NMUR2: variants seen among roughly 807,000 people sequenced by gnomAD.
NMUR2 encodes the protein neuromedin U receptor 2.
NMUR2 carries 24 observed loss-of-function variants against 25.1 expected under a neutral mutation model. The ratio of observed to expected loss-of-function variants is 0.96; its 90% CI spans 0.69 to 1.34. The LOEUF (loss-of-function observed/expected upper bound fraction) is 1.34. NMUR2 is among the 40% of genes most tolerant of loss of function. NMUR2 has a pLI of 0.00. For missense variants in NMUR2, 533 were observed against 512.8 expected, an observed-to-expected ratio of 1.04 and a Z score of -0.38; for synonymous variants, 218 against 208.1, an observed-to-expected ratio of 1.05 and a Z score of -0.41.
intron 2 of NMUR2, 143 bp from the exon 3 acceptor site, chr5:152,395,727 T>C (rs1753138162): frequency 1.3e-6 from 1 of 743,806 alleles, no homozygotes; most frequent in Middle Eastern, 3.5e-4. Context: ...GCAAACTAGA[T>C]CCCAAAGAGT....
At chr5:152,396,736 A>G (rs545110140) in intron 2 of NMUR2, among the ~76,000 whole-genome samples, 41 of 152,166 alleles carry the variant, frequency 2.7e-4, no homozygotes, top group African/African-American at 8.4e-4. Flanking sequence ...TACTAAAAAT[A>G]CAAAAATCAG....
In NMUR2 at chr5:152,404,458, A is replaced by T. The variant is rs1753312776; in HGVS notation, c.656T>A (p.Val219Asp). The change falls in exon 1 of 4, where the codon GTC (valine) becomes GAC (aspartate). Residue 219 changes from valine (V) to aspartate (D), a missense_variant. Coordinates refer to ENST00000255262, the MANE Select transcript of NMUR2 (RefSeq NM_020167.5). ...PMWIYNFIIQ[V>D]TSFLFYLLPM... Reference sequence around the variant, plus strand: ...GAGGAGGTAGAATAGGAAGGAGGTGACCTGGATGATGAAATTGTAGATCCA... The same window carrying T: ...GAGGAGGTAGAATAGGAAGGAGGTGTCCTGGATGATGAAATTGTAGATCCA... 1 of 1,614,024 alleles carries T rather than the reference A, an allele frequency of 6.2e-7. No homozygotes were observed. Among genetic ancestry groups the T allele is most frequent in the African/African-American group, 1.3e-5 (1 of 74,904 alleles).
intron 2 of NMUR2, among the ~76,000 whole-genome samples, chr5:152,395,967 C>T (rs1436682767): frequency 6.6e-6 from 1 of 151,988 alleles, no homozygotes; most frequent in East Asian, 1.9e-4. Context: ...AGAAGTTTCT[C>T]TGAATTCAAT....
chr5:152,395,050 T>A (rs1753125860), intron 3 of NMUR2, among the ~76,000 whole-genome samples: 1 of 152,128 alleles, frequency 6.6e-6, no homozygotes. Context: ...AAGGAGAACT[T>A]GATTACCTAT....
At chr5:152,395,616 G>T (rs373218483) in intron 2 of NMUR2, 32 bp from the exon 3 acceptor site, 61 of 1,610,146 alleles carry the variant, frequency 3.8e-5, no homozygotes, top group Non-Finnish European at 5.1e-5. Flanking sequence ...GAGACCAGAA[G>T]ACAGTCTGTG....
chr5:152,398,287 T>G (rs1333868289), intron 1 of NMUR2, 143 bp from the exon 2 acceptor site: 2 of 631,086 alleles, frequency 3.2e-6, no homozygotes, highest in Non-Finnish European at 5.5e-6. Flanking sequence ...GTCAAATGTT[T>G]AACAGTATGT....
rs763528678 is a variant in NMUR2 at position 152,395,514 on chromosome 5, C to G, written c.882G>C (p.Val294=). The change falls in exon 3 of 4, where the codon GTG becomes GTC. Residue 294 remains valine (V), a synonymous_variant. Coordinates refer to ENST00000255262, the MANE Select transcript of NMUR2 (RefSeq NM_020167.5). ...FHIDRLFFSF[V]EEWSESLAAV... ...CAGCCAGGGATTCACTCCACTCCTC[C>G]ACAAAGCTGAAGAAGAGTCGGTCAA... The G allele has an allele frequency of 2.5e-6, 4 of 1,613,454 alleles. No homozygotes were observed. Among genetic ancestry groups the G allele is most frequent in the Non-Finnish European group, 2.5e-6 (3 of 1,179,794 alleles).
rs1258458619 is a variant in NMUR2, at chr5:152,404,526, G to T, written c.588C>A (p.Ser196=). The T allele has an allele frequency of 6.2e-7, 1 of 1,614,012 alleles. No homozygotes were observed. The highest frequency in any genetic ancestry group is 1.3e-5 in the African/African-American group (1 of 74,918). The change falls in exon 1 of 4, where the codon TCC becomes TCA. Residue 196 remains serine, a synonymous_variant. Coordinates refer to ENST00000255262, the MANE Select transcript of NMUR2 (RefSeq NM_020167.5). ...GIKFHYFPNG[S]LVPGSATCTV... ...TACAGGTGGCCGAACCTGGGACCAG[G>T]GACCCATTGGGGAAGTAGTGGAACT... is the stretch of plus-strand genomic sequence containing the variant.
At position 152,392,081 on chromosome 5, in the gene NMUR2, T is replaced by C; in HGVS notation, c.*110A>G. On this transcript the variant is annotated 3_prime_UTR_variant, in exon 4 of 4. Transcript: ENST00000255262. ...AAAAAAAAAACTAGCAATGGGTACA[T>C]GAGTTGTAAGAGCCATTCTACCTCT... The C allele has an allele frequency of 1.1e-6, 1 of 921,986 alleles. No individual in the cohort carries two copies. Among genetic ancestry groups the C allele is most frequent in the South Asian group, 1.7e-5 (1 of 60,382 alleles). The allele number at this position is 921,986 out of a possible 1,614,324, so 57.1% of individuals were successfully genotyped here. A position where few individuals can be genotyped will look rare whatever the true frequency, so the allele number is the denominator to read the frequency against.
At chr5:152,394,499 G>C (rs371266782) in intron 3 of NMUR2, among the ~76,000 whole-genome samples, 28 of 152,256 alleles carry the variant, frequency 1.8e-4, no homozygotes, top group Admixed American at 1.6e-3. Flanking sequence ...CAGGAGAGGT[G>C]GGGGGACAGA....
intron 1 of NMUR2, among the ~76,000 whole-genome samples, chr5:152,400,553 A>C: frequency 6.6e-6 from 1 of 152,194 alleles, no homozygotes; most frequent in East Asian, 1.9e-4. Context: ...ACTCGCTCAC[A>C]AAGAGTGCCT....
intron 2 of NMUR2, among the ~76,000 whole-genome samples, chr5:152,395,832 A>C (rs1753139571): frequency 6.6e-6 from 1 of 151,852 alleles, no homozygotes; most frequent in South Asian, 2.1e-4. Context: ...ATAATGTAAA[A>C]CTTTTTAGAA....
intron 3 of NMUR2, among the ~76,000 whole-genome samples, chr5:152,394,161 G>C (rs1003922507): frequency 6.6e-6 from 1 of 152,088 alleles, no homozygotes; most frequent in Admixed American, 6.6e-5. Context: ...AGTCTCATTT[G>C]ACCTTGTAGT....
Position 152,392,044 on chromosome 5 carries a change from A to G in NMUR2, c.*147T>C. 1 of 663,990 alleles carries G rather than the reference A, an allele frequency of 1.5e-6. No homozygotes were observed. Among genetic ancestry groups the G allele is most frequent in the Non-Finnish European group, 2.5e-6 (1 of 398,830 alleles). 41.1% of individuals were successfully genotyped at this position (663,990 alleles called of 1,614,324 possible). On this transcript the variant is annotated 3_prime_UTR_variant, in exon 4 of 4. Transcript: ENST00000255262. The stretch of plus-strand genomic sequence containing the variant: ...AAACCAGATCTAACTCTCAGTTTTC[A>G]CGTTTATTAAAAAAAAAAAAACTAG...
chr5:152,392,463 T>C lies in NMUR2; in HGVS notation c.976A>G (p.Ile326Val), dbSNP rs779213652. 7 of 1,613,812 alleles carry C rather than the reference T, an allele frequency of 4.3e-6. No homozygotes were observed. Among genetic ancestry groups the C allele is most frequent in the Non-Finnish European group, 4.2e-6 (5 of 1,179,846 alleles). ...FYLSSAVNPI[I>V]YNLLSRRFQA... is the part of the protein sequence containing the mutation. ...AAGCGGCGAGACAGTAGGTTATAGATAATGGGGTTGACAGCTGAGCTCAGG... is the reference window on the plus strand; with the variant it reads ...AAGCGGCGAGACAGTAGGTTATAGACAATGGGGTTGACAGCTGAGCTCAGG... The change falls in exon 4 of 4, where the codon ATC (isoleucine) becomes GTC (valine). Residue 326 changes from isoleucine (I) to valine (V), a missense_variant. By Grantham distance (29) the Ile-to-Val change is conservative. Coordinates refer to ENST00000255262, the MANE Select transcript of NMUR2 (RefSeq NM_020167.5).
chr5:152,395,130 G>T (rs1302819573), intron 3 of NMUR2, among the ~76,000 whole-genome samples: 1 of 152,078 alleles, frequency 6.6e-6, no homozygotes, highest in Non-Finnish European at 1.5e-5. Flanking sequence ...TCAGGGACAT[G>T]GGTGTTTACT....
In NMUR2 at chr5:152,404,598, G is replaced by A. The variant is rs1230090964; in HGVS notation, c.516C>T (p.Gly172=). The A allele has an allele frequency of 1.9e-6, 3 of 1,614,140 alleles. No individual in the cohort carries two copies. The highest frequency in any genetic ancestry group is 4.5e-5 in the East Asian group (2 of 44,856). ...RALRILGIVW[G]FSVLFSLPNT... is the part of the protein sequence containing the mutation. Reference sequence around the variant, plus strand: ...TGGGCAGGGAGAAGAGCACGGAGAAGCCCCAGACGATGCCGAGGATCCTGA... The same window carrying A: ...TGGGCAGGGAGAAGAGCACGGAGAAACCCCAGACGATGCCGAGGATCCTGA... Residue 172 remains glycine (G), a synonymous_variant, in exon 1 of 4, where the codon GGC becomes GGT. Coordinates refer to ENST00000255262, the MANE Select transcript of NMUR2 (RefSeq NM_020167.5).
chr5:152,397,430 T>G (rs1249056984), intron 2 of NMUR2, among the ~76,000 whole-genome samples: 1 of 152,168 alleles, frequency 6.6e-6, no homozygotes, highest in Non-Finnish European at 1.5e-5. Flanking sequence ...GTATACTGTT[T>G]GAAACAAAGT....
intron 3 of NMUR2, among the ~76,000 whole-genome samples, chr5:152,394,705 A>G (rs995224247): frequency 6.6e-6 from 1 of 152,214 alleles, no homozygotes; most frequent in Non-Finnish European, 1.5e-5. Flanking sequence ...TTTTGACTAT[A>G]CAATGTTAAT....
Sources: allele counts gnomAD v4.1 joint callset (sites outside exome capture counted in the v4.1 genomes callset), GRCh38; gene constraint gnomAD v4.1.1; transcripts MANE v1.5; gene names NCBI Gene and HGNC (gene_info 2026-07-23, HGNC 2026-07-21).